CDX1: variants seen among roughly 807,000 people sequenced by gnomAD.
CDX1 encodes the protein homeobox protein CDX-1.
In CDX1, 9 loss-of-function variants were observed where a neutral mutation model predicts 16.9. The ratio of observed to expected loss-of-function variants is 0.53; its 90% CI spans 0.32 to 0.93. CDX1 has a LOEUF of 0.93. CDX1 is among the 40% of genes least tolerant of loss of function. The pLI is 0.04. For missense variants in CDX1, 393 were observed against 386.1 expected, an observed-to-expected ratio of 1.02 and a Z score of -0.15; for synonymous variants, 179 against 179.0, an observed-to-expected ratio of 1.00 and a Z score of 0.00.
At chr5:150,169,434 C>G (rs1024898367) in intron 1 of CDX1, among the ~76,000 whole-genome samples, 1 of 152,044 alleles carries the variant, frequency 6.6e-6, no homozygotes, top group Admixed American at 6.5e-5. Context: ...AAAGGGACTT[C>G]CCTGGAGCCA....
chr5:150,175,418 G>A (rs1426201166), intron 1 of CDX1, among the ~76,000 whole-genome samples: 1 of 152,192 alleles, frequency 6.6e-6, no homozygotes, highest in Non-Finnish European at 1.5e-5. Context: ...GGTGGCCCTG[G>A]AGGAGGAGGG....
At chr5:150,172,290 A>G (rs920960419) in intron 1 of CDX1, among the ~76,000 whole-genome samples, 10 of 152,246 alleles carry the variant, frequency 6.6e-5, no homozygotes, top group Non-Finnish European at 1.3e-4. Flanking sequence ...TGTCTTGCAC[A>G]TAGTAAGAGC....
chr5:150,171,440 A>G (rs766459432), intron 1 of CDX1, among the ~76,000 whole-genome samples: 1 of 152,130 alleles, frequency 6.6e-6, no homozygotes, highest in Non-Finnish European at 1.5e-5. Context: ...GGTTCACGCC[A>G]TTCTGCTGCC....
intron 1 of CDX1, 82 bp from the exon 2 acceptor site, chr5:150,182,686 C>T (rs1031977619): frequency 7.2e-7 from 1 of 1,387,016 alleles, no homozygotes; most frequent in Non-Finnish European, 9.7e-7. Flanking sequence ...GGATTGTCTT[C>T]CTCCTGGGGG....
At chr5:150,181,720 C>T (rs1237012381) in intron 1 of CDX1, among the ~76,000 whole-genome samples, 1 of 152,172 alleles carries the variant, frequency 6.6e-6, no homozygotes, top group African/African-American at 2.4e-5. Flanking sequence ...TCCTTTTCTT[C>T]TGAAACACTT....
intron 1 of CDX1, among the ~76,000 whole-genome samples, chr5:150,171,375 A>G (rs1042500083): frequency 4.2e-4 from 64 of 152,164 alleles, no homozygotes; most frequent in African/African-American, 1.5e-3. Flanking sequence ...TTGCTATGTC[A>G]CCCACGCTGG....
chr5:150,178,543 G>T (rs941180413), intron 1 of CDX1, among the ~76,000 whole-genome samples: 5 of 152,090 alleles, frequency 3.3e-5, no homozygotes, highest in Non-Finnish European at 7.4e-5. Flanking sequence ...CTCCCTGCCC[G>T]CTCCTTCCCA....
chr5:150,183,702 C>CG lies in CDX1; in HGVS notation c.*27dup, dbSNP rs1160742825. The CG allele has an allele frequency of 1.3e-6, 2 of 1,511,156 alleles. No homozygotes were observed. Among genetic ancestry groups the CG allele is most frequent in the Non-Finnish European group, 1.8e-6 (2 of 1,124,818 alleles). The allele number at this position is 1,511,156 out of a possible 1,614,324, so 93.6% of individuals were successfully genotyped here. On this transcript the variant is annotated 3_prime_UTR_variant, in exon 3 of 3. Coordinates refer to ENST00000231656, the MANE Select transcript of CDX1 (RefSeq NM_001804.3). ...ATAGCCCCATGCCCAGCCTGTGCGC[C>CG]GGGGGACCTGGGGACTCGGGTGCTG...
chr5:150,179,902 G>A (rs536264164), intron 1 of CDX1, among the ~76,000 whole-genome samples: 8 of 152,380 alleles, frequency 5.3e-5, no homozygotes, highest in African/African-American at 9.6e-5. Context: ...GGCAGCATGC[G>A]GAATTGTACC....
chr5:150,175,759 A>C (rs2113951325), intron 1 of CDX1, among the ~76,000 whole-genome samples: 1 of 152,286 alleles, frequency 6.6e-6, no homozygotes, highest in Non-Finnish European at 1.5e-5. Flanking sequence ...ACAGGCCCAA[A>C]TAAGGGATCA....
At chr5:150,173,509 G>A (rs1451994731) in intron 1 of CDX1, among the ~76,000 whole-genome samples, 5 of 152,156 alleles carry the variant, frequency 3.3e-5, no homozygotes, top group South Asian at 2.1e-4. Context: ...GTAAAGTAGC[G>A]TTCTTCCCCT....
intron 1 of CDX1, among the ~76,000 whole-genome samples, chr5:150,168,285 C>T (rs1761460559): frequency 6.6e-6 from 1 of 152,218 alleles, no homozygotes; most frequent in Non-Finnish European, 1.5e-5. Flanking sequence ...AATCCTGGGA[C>T]TTCTCCCACC....
Position 150,167,128 on chromosome 5 carries a change from CG to C in CDX1, c.253del (p.Ala85ProfsTer114). ...ACGGCCCGGGCCCCGCGGCCCCTGC[CG>C]CCAGCCCAGCTTCGCTGGCATTCGG... ...AYGPGPAAPA[A>X]SPASLAFGPP... On this transcript the variant is annotated frameshift_variant, in exon 1 of 3. Coordinates refer to ENST00000231656, the MANE Select transcript of CDX1 (RefSeq NM_001804.3). LOFTEE classifies it high-confidence loss of function. 1 of 1,330,828 alleles carries C rather than the reference CG, an allele frequency of 7.5e-7. No individual in the cohort carries two copies. Among genetic ancestry groups the C allele is most frequent in the South Asian group, 2.1e-5 (1 of 47,788 alleles). The allele number at this position is 1,330,828 out of a possible 1,614,324, so 82.4% of individuals were successfully genotyped here.
chr5:150,168,167 G>T (rs1761459194), intron 1 of CDX1, among the ~76,000 whole-genome samples: 1 of 152,248 alleles, frequency 6.6e-6, no homozygotes. Context: ...CCATTGTCCG[G>T]ACTGTGTCCG....
chr5:150,171,501 A>T (rs1761505708), intron 1 of CDX1, among the ~76,000 whole-genome samples: 1 of 152,090 alleles, frequency 6.6e-6, no homozygotes, highest in Admixed American at 6.6e-5. Context: ...ATGCCCGGCT[A>T]ATTTTTTTGT....
chr5:150,169,787 C>T (rs553420341), intron 1 of CDX1, among the ~76,000 whole-genome samples: 1 of 152,322 alleles, frequency 6.6e-6, no homozygotes, highest in African/African-American at 2.4e-5. Flanking sequence ...CTGGCTAGCC[C>T]CCTTTTGCCC....
At chr5:150,172,687 C>T (rs1178129804) in intron 1 of CDX1, among the ~76,000 whole-genome samples, 1 of 152,156 alleles carries the variant, frequency 6.6e-6, no homozygotes, top group Non-Finnish European at 1.5e-5. Flanking sequence ...CAGCAGGGGC[C>T]TGGCTGTTTA....
At chr5:150,175,468 A>G (rs968030644) in intron 1 of CDX1, among the ~76,000 whole-genome samples, 1 of 152,220 alleles carries the variant, frequency 6.6e-6, no homozygotes, top group African/African-American at 2.4e-5. Context: ...AAGGAGGGTG[A>G]CAGTGGGGAG....
intron 1 of CDX1, among the ~76,000 whole-genome samples, chr5:150,180,604 G>C (rs1014552550): frequency 7.2e-5 from 11 of 152,124 alleles, no homozygotes; most frequent in Non-Finnish European, 1.5e-5. Context: ...GAAGATGAAG[G>C]CTGGGCTGTG....
Sources: gnomAD v4.1 joint callset for allele counts (sites outside exome capture counted in the v4.1 genomes callset) on GRCh38, gnomAD v4.1.1 for gene constraint, MANE v1.5 for transcripts, NCBI Gene and HGNC (gene_info 2026-07-23, HGNC 2026-07-21) for gene names.